Variants in ERBB4 observed in about 807,000 individuals in gnomAD.
The protein encoded by ERBB4 is erb-b2 receptor tyrosine kinase 4.
In ERBB4, 42 loss-of-function variants were observed where a neutral mutation model predicts 158.0. The observed-to-expected ratio is 0.27, with a 90% CI of 0.21 to 0.34. The LOEUF is 0.34. Among genes scored for constraint, ERBB4 ranks in the 10% least tolerant of loss-of-function variants. The pLI, the probability that ERBB4 is intolerant of heterozygous loss-of-function variation, is 1.00. For missense variants in ERBB4, 1,333 were observed against 1,624.1 expected, an observed-to-expected ratio of 0.82 and a Z score of 3.08; for synonymous variants, 583 against 558.7, an observed-to-expected ratio of 1.04 and a Z score of -0.61.
intron 1 of ERBB4, among the ~76,000 whole-genome samples, chr2:212,292,718 A>C (rs2086253522): frequency 6.6e-6 from 1 of 152,112 alleles, no homozygotes; most frequent in African/African-American, 2.4e-5. Context: ...ATGGCACTGT[A>C]TTATGAATAG....
At position 211,831,812 on chromosome 2, in the gene ERBB4, A is replaced by C. The variant is rs530346158; in HGVS notation, c.422-43653T>G. On this transcript the variant is annotated intron_variant, in intron 3 of 27. Transcript: ENST00000342788. ...CAGCTACTTGGGAGGCTGAGGCAGG[A>C]GAATCACTTGAACCTGGGAGGCAGA... Among the ~76,000 whole-genome samples, 576 of 152,170 alleles carry C rather than the reference A, an allele frequency of 3.8e-3. 3 individuals are homozygous for C. Among genetic ancestry groups the C allele is most frequent in the African/African-American group, 0.013 (548 of 41,516 alleles).
chr2:212,224,665 G>A (rs557191686), intron 1 of ERBB4, among the ~76,000 whole-genome samples: 4 of 151,970 alleles, frequency 2.6e-5, no homozygotes, highest in African/African-American at 9.6e-5. Context: ...CAGCTGAAAG[G>A]AAGAAGCAAA....
At chr2:212,264,186 T>G (rs1261258158) in intron 1 of ERBB4, among the ~76,000 whole-genome samples, 1 of 152,124 alleles carries the variant, frequency 6.6e-6, no homozygotes, top group Non-Finnish European at 1.5e-5. Flanking sequence ...GTGAGAATAT[T>G]TGCATTCCTG....
chr2:212,219,716 C>T (rs1472488364), intron 1 of ERBB4, among the ~76,000 whole-genome samples: 1 of 151,182 alleles, frequency 6.6e-6, no homozygotes, highest in African/African-American at 2.4e-5. Context: ...ATCATTCATC[C>T]CTGAAATTAT....
chr2:211,739,474 ATTT>A (rs1056059834), intron 5 of ERBB4, among the ~76,000 whole-genome samples: 3 of 151,884 alleles, frequency 2.0e-5, no homozygotes, highest in Non-Finnish European at 4.4e-5. Context: ...TTATTTATTT[ATTT>A]ATTTTGAGAC....
chr2:211,436,816 C>T (rs2063864974), intron 20 of ERBB4, among the ~76,000 whole-genome samples: 1 of 152,094 alleles, frequency 6.6e-6, no homozygotes, highest in African/African-American at 2.4e-5. Context: ...CAATAATTCA[C>T]CCGAAGATGC....
At chr2:211,998,538 A>T (rs1046294836) in intron 2 of ERBB4, among the ~76,000 whole-genome samples, 1 of 151,788 alleles carries the variant, frequency 6.6e-6, no homozygotes, top group African/African-American at 2.4e-5. Context: ...CCAAAAAAAA[A>T]AAAAAAAAAG....
chr2:211,581,734 G>A (rs749761155), intron 19 of ERBB4, among the ~76,000 whole-genome samples: 24 of 152,134 alleles, frequency 1.6e-4, no homozygotes, highest in Admixed American at 2.6e-4. Context: ...TGTAGTGGCC[G>A]GACATGGTGG....
At chr2:211,898,147 G>T (rs115383012) in intron 3 of ERBB4, among the ~76,000 whole-genome samples, 1 of 151,682 alleles carries the variant, frequency 6.6e-6, no homozygotes, top group Non-Finnish European at 1.5e-5. Flanking sequence ...AGTAGCTTTC[G>T]AAAGCCTAAA....
intron 12 of ERBB4, among the ~76,000 whole-genome samples, chr2:211,694,254 AT>A (rs546015684): frequency 2.1e-3 from 314 of 152,268 alleles, no homozygotes; most frequent in African/African-American, 7.3e-3. Flanking sequence ...TAGCTTTTGC[AT>A]TTTTAATAAT....
chr2:211,925,079 G>A (rs2079979948), intron 3 of ERBB4, among the ~76,000 whole-genome samples: 2 of 152,156 alleles, frequency 1.3e-5, no homozygotes, highest in Admixed American at 6.6e-5. Context: ...TAATCAATGA[G>A]TCTCCAAGTC....
intron 20 of ERBB4, among the ~76,000 whole-genome samples, chr2:211,541,933 G>A (rs945074823): frequency 2.6e-5 from 4 of 151,934 alleles, no homozygotes; most frequent in African/African-American, 9.7e-5. Flanking sequence ...TCAAAAATGA[G>A]CATGAGTTTT....
chr2:211,429,782 G>A (rs965652020), intron 21 of ERBB4, among the ~76,000 whole-genome samples: 6 of 152,168 alleles, frequency 3.9e-5, no homozygotes, highest in Non-Finnish European at 8.8e-5. Flanking sequence ...CAGACTTTAT[G>A]GACTACGGAC....
chr2:212,104,792 T>G (rs2079177443), intron 2 of ERBB4, among the ~76,000 whole-genome samples: 2 of 152,172 alleles, frequency 1.3e-5, no homozygotes, highest in Non-Finnish European at 2.9e-5. Context: ...ATTTGCGCTT[T>G]GCTAGAAATA....
chr2:212,185,358 G>A (rs2081987618), intron 1 of ERBB4, among the ~76,000 whole-genome samples: 1 of 150,166 alleles, frequency 6.7e-6, no homozygotes. Flanking sequence ...GTGCTTGGTA[G>A]ACCTCAGAAA....
chr2:211,884,570 C>A (rs575288016), intron 3 of ERBB4, among the ~76,000 whole-genome samples: 96 of 152,222 alleles, frequency 6.3e-4, no homozygotes, highest in African/African-American at 2.1e-3. Flanking sequence ...CATAAGGAAC[C>A]CCTAGATGTT....
At chr2:211,877,808 G>A (rs2078548745) in intron 3 of ERBB4, among the ~76,000 whole-genome samples, 1 of 152,036 alleles carries the variant, frequency 6.6e-6, no homozygotes, top group African/African-American at 2.4e-5. Context: ...CTAAATTTAT[G>A]TCGGTAACAA....
At chr2:212,184,462 C>T (rs1338760172) in intron 1 of ERBB4, among the ~76,000 whole-genome samples, 1 of 152,002 alleles carries the variant, frequency 6.6e-6, no homozygotes, top group Non-Finnish European at 1.5e-5. Context: ...ATGATCAATT[C>T]TATTAATAGT....
intron 1 of ERBB4, among the ~76,000 whole-genome samples, chr2:212,349,763 T>C (rs2089174017): frequency 6.6e-6 from 1 of 152,116 alleles, no homozygotes; most frequent in Admixed American, 6.6e-5. Context: ...ATTGCTTTCC[T>C]AAAAATATCC....
Sources: allele counts gnomAD v4.1 joint callset (sites outside exome capture counted in the v4.1 genomes callset), GRCh38; gene constraint gnomAD v4.1.1; transcripts MANE v1.5; gene names NCBI Gene and HGNC (gene_info 2026-07-23, HGNC 2026-07-21).